The following PSME4 variants were observed in gnomAD, a reference collection of about 807,000 sequenced individuals.
The protein encoded by PSME4 is proteasome activator complex subunit 4.
Under a neutral mutation model 253.9 loss-of-function variants are expected in PSME4, and 89 were observed. That is an observed-to-expected ratio of 0.35 (90% CI 0.30 to 0.42). The LOEUF is 0.42. Among genes scored for constraint, PSME4 ranks in the 10% least tolerant of loss-of-function variants. PSME4 has a pLI of 1.00. For missense variants in PSME4, 2,014 were observed against 2,195.2 expected, an observed-to-expected ratio of 0.92 and a Z score of 1.65; for synonymous variants, 851 against 759.2, an observed-to-expected ratio of 1.12 and a Z score of -1.99.
intron 1 of PSME4, among the ~76,000 whole-genome samples, chr2:53,967,084 C>G (rs571704260): frequency 1.3e-5 from 2 of 152,208 alleles, no homozygotes; most frequent in African/African-American, 2.4e-5. Context: ...CATGAGCTGT[C>G]TGCCATTGTC....
intron 36 of PSME4, among the ~76,000 whole-genome samples, chr2:53,891,078 C>A (rs1260474928): frequency 6.6e-6 from 1 of 152,124 alleles, no homozygotes. Context: ...TCTTAAAAAT[C>A]TTGTATAATA....
intron 43 of PSME4, chr2:53,870,927 T>A (rs986734380): frequency 2.0e-5 from 3 of 151,964 alleles, no homozygotes; most frequent in Non-Finnish European, 4.4e-5. Flanking sequence ...TAAGCCTCTG[T>A]GCCCGGCCTG....
At chr2:53,897,434 G>A (rs967004303) in intron 31 of PSME4, among the ~76,000 whole-genome samples, 1 of 152,060 alleles carries the variant, frequency 6.6e-6, no homozygotes, top group African/African-American at 2.4e-5. Context: ...CTCCCAAAGT[G>A]CTGGGATTAC....
In PSME4 at chr2:53,932,695, G is replaced by A. The variant is rs774876691; in HGVS notation, c.1023C>T (p.Tyr341=). The part of the protein sequence containing the change: ...AGLFNSITSF[Y]HPSNNGRWLN... ...GCCAGCGCCCATTATTTGAAGGATG[G>A]TAAAAAGATGTGATGCTGTTAAACA... The change falls in exon 9 of 47, where the codon TAC becomes TAT. Residue 341 remains tyrosine (Y), a synonymous_variant. Transcript: ENST00000404125. 8.7e-6 allele frequency: 14 copies of A among 1,613,760 alleles called. No homozygotes were observed. The South Asian group carries it at 1.5e-4, about 18-fold the overall frequency.
At chr2:53,955,663 T>G (rs1282105248) in intron 1 of PSME4, among the ~76,000 whole-genome samples, 1 of 152,182 alleles carries the variant, frequency 6.6e-6, no homozygotes, top group Non-Finnish European at 1.5e-5. Context: ...GGCTCATGTC[T>G]GCAATCCAAG....
intron 41 of PSME4, among the ~76,000 whole-genome samples, chr2:53,882,807 A>G (rs1339521837): frequency 6.6e-6 from 1 of 152,096 alleles, no homozygotes; most frequent in African/African-American, 2.4e-5. Context: ...TACATACAAT[A>G]TATTGATTGG....
chr2:53,894,781 G>A (rs1680067584), intron 34 of PSME4, among the ~76,000 whole-genome samples: 1 of 152,180 alleles, frequency 6.6e-6, no homozygotes, highest in Non-Finnish European at 1.5e-5. Flanking sequence ...AGGGCTGAAT[G>A]GGGTAGTAAC....
At chr2:53,965,086 AACAC>A (rs200298753) in intron 1 of PSME4, among the ~76,000 whole-genome samples, 4 of 151,336 alleles carry the variant, frequency 2.6e-5, no homozygotes, top group Non-Finnish European at 5.9e-5. Context: ...ATTCTGTTTA[AACAC>A]ACACACACAC....
chr2:53,896,906 A>G, intron 31 of PSME4, 21 bp from the exon 32 acceptor site: 1 of 1,567,962 alleles, frequency 6.4e-7, no homozygotes, highest in Non-Finnish European at 8.8e-7. Flanking sequence ...AAAAAGGTAC[A>G]CATTCATAAA....
At chr2:53,961,677 A>C (rs1001682872) in intron 1 of PSME4, among the ~76,000 whole-genome samples, 1 of 152,106 alleles carries the variant, frequency 6.6e-6, no homozygotes, top group African/African-American at 2.4e-5. Flanking sequence ...GACTGTCTAA[A>C]AATAAGGGGG....
At chr2:53,970,461 C>G in intron 1 of PSME4, 82 bp downstream of exon 1, 1 of 1,539,626 alleles carries the variant, frequency 6.5e-7, no homozygotes. Context: ...GGGTCCAGCC[C>G]TCTGGACAAA....
At chr2:53,957,913 T>C (rs1670309051) in intron 1 of PSME4, among the ~76,000 whole-genome samples, 1 of 152,166 alleles carries the variant, frequency 6.6e-6, no homozygotes, top group Non-Finnish European at 1.5e-5. Flanking sequence ...ATGTTCACTT[T>C]TCAATCTCCT....
Position 53,923,384 on chromosome 2 carries a change from T to C in PSME4, c.1845A>G (p.Ser615=). The change falls in exon 15 of 47, where the codon TCA becomes TCG. Residue 615 remains serine, a synonymous_variant. Coordinates refer to ENST00000404125, the MANE Select transcript of PSME4 (RefSeq NM_014614.3). ...ALQKVFNFST[S]HIFETRVAGR... ...CTGCTACTCTTGTTTCAAATATATGTGAAGTAGAAAAATTAAAAACCTTCT... is the reference window on the plus strand; with the variant it reads ...CTGCTACTCTTGTTTCAAATATATGCGAAGTAGAAAAATTAAAAACCTTCT... 1 of 1,610,388 alleles carries C rather than the reference T, an allele frequency of 6.2e-7. No homozygotes were observed. The highest frequency in any genetic ancestry group is 8.5e-7 in the Non-Finnish European group (1 of 1,178,974).
At chr2:53,891,996 G>A (rs2104427039) in intron 36 of PSME4, among the ~76,000 whole-genome samples, 1 of 152,172 alleles carries the variant, frequency 6.6e-6, no homozygotes, top group Admixed American at 6.5e-5. Context: ...AATTTCCAGT[G>A]GCAGCACTGT....
chr2:53,959,974 G>C (rs977747273), intron 1 of PSME4, among the ~76,000 whole-genome samples: 1 of 152,174 alleles, frequency 6.6e-6, no homozygotes, highest in Non-Finnish European at 1.5e-5. Flanking sequence ...TTTGTGGATT[G>C]ATTTTTTTAG....
chr2:53,888,600 T>A, intron 38 of PSME4, 121 bp downstream of exon 38: 1 of 637,188 alleles, frequency 1.6e-6, no homozygotes, highest in Non-Finnish European at 2.6e-6. Context: ...TCACATCACC[T>A]TCCAGAAGAA....
chr2:53,923,323 T>A lies in PSME4; in HGVS notation c.1906A>T (p.Lys636Ter), dbSNP rs1668408662. The A allele has an allele frequency of 6.3e-7, 1 of 1,598,940 alleles. No individual in the cohort carries two copies. Reference sequence around the variant, plus strand: ...TCAGTTCAAAAAAATAAACTCACCTTTACAGCAGCGCGGCACATGTCTGCC... The same window carrying A: ...TCAGTTCAAAAAAATAAACTCACCTATACAGCAGCGCGGCACATGTCTGCC... Reference protein sequence around the residue: ...MVADMCRAAVKCCPEESLKLF... With the variant: ...MVADMCRAAV The change falls in exon 15 of 47, where the codon AAG becomes TAG. Residue 636 changes from lysine (K) to a stop codon, truncating the protein, a stop_gained and splice_region_variant. Transcript: ENST00000404125. LOFTEE classifies it high-confidence loss of function.
rs577173344 is a variant in PSME4, at chr2:53,904,272, A to G, written c.2944-116T>C. The G allele has an allele frequency of 1.3e-5, 15 of 1,133,286 alleles. No individual in the cohort carries two copies. In the African/African-American group the frequency reaches 2.2e-4, roughly 17 times the overall value. 70.2% of individuals were successfully genotyped at this position (1,133,286 alleles called of 1,614,324 possible). On this transcript the variant is annotated intron_variant, in intron 26 of 46. Transcript: ENST00000404125. ...TACATGTTTTTCTCATTAACAAAAT[A>G]AATTTCAAAGCACGTACCCTAAAAA...
chr2:53,950,672 T>A (rs1420430155), intron 1 of PSME4, among the ~76,000 whole-genome samples: 7 of 151,576 alleles, frequency 4.6e-5, no homozygotes, highest in African/African-American at 1.7e-4. Flanking sequence ...AGAAACCCCG[T>A]CTCTACTAAA....
Sources: allele counts gnomAD v4.1 joint callset (sites outside exome capture counted in the v4.1 genomes callset), GRCh38; gene constraint gnomAD v4.1.1; transcripts MANE v1.5; gene names NCBI Gene and HGNC (gene_info 2026-07-23, HGNC 2026-07-21).